Variants in SGCD observed in about 807,000 individuals in gnomAD.
The protein encoded by SGCD is delta-sarcoglycan.
In SGCD, 18 loss-of-function variants were observed where a neutral mutation model predicts 36.6. That is an observed-to-expected ratio of 0.49 (90% CI 0.34 to 0.73). The LOEUF is 0.73. Among genes scored for constraint, SGCD ranks in the 30% least tolerant of loss-of-function variants. The probability of loss-of-function intolerance (pLI) is 0.01; values close to 1 mark genes in which losing one functional copy is unlikely to be tolerated. For synonymous variants in SGCD, 133 were observed against 130.6 expected (o/e 1.02, Z -0.12); for missense variants, 387 against 346.7 (o/e 1.12, Z -0.92).
chr5:156,268,049 C>T (rs943592857), intron 3 of SGCD, among the ~76,000 whole-genome samples: 1 of 152,180 alleles, frequency 6.6e-6, no homozygotes, highest in African/African-American at 2.4e-5. Context: ...CATGTGTTCT[C>T]ATTATTTAGC....
At chr5:155,805,410 G>T in the SGCD span, among the ~76,000 whole-genome samples, 3 of 152,250 alleles carry the variant, frequency 2.0e-5, no homozygotes, top group African/African-American at 7.2e-5. Flanking sequence ...TGCCTAGGCA[G>T]AGAGGCAGCA....
At chr5:156,418,199 G>A (rs909899504) in intron 3 of SGCD, among the ~76,000 whole-genome samples, 2 of 152,150 alleles carry the variant, frequency 1.3e-5, no homozygotes, top group Non-Finnish European at 2.9e-5. Flanking sequence ...GCCCAAACTG[G>A]TCATGGATGT....
chr5:156,301,617 A>G (rs565487091), intron 3 of SGCD, among the ~76,000 whole-genome samples: 6 of 152,062 alleles, frequency 3.9e-5, no homozygotes, highest in African/African-American at 1.4e-4. Context: ...GTACTGTCAC[A>G]TGATTTCTTA....
At chr5:155,806,158 T>A in the SGCD span, among the ~76,000 whole-genome samples, 1 of 145,390 alleles carries the variant, frequency 6.9e-6, no homozygotes, top group Non-Finnish European at 1.5e-5. Context: ...TTTTCTTTTC[T>A]TTTTTGGGGG....
At chr5:156,728,393 C>A (rs941204805) in intron 7 of SGCD, among the ~76,000 whole-genome samples, 9 of 151,360 alleles carry the variant, frequency 5.9e-5, no homozygotes, top group African/African-American at 2.2e-4. Context: ...TGCCTGTAAT[C>A]CCAGCTACCT....
At chr5:156,478,452 A>G (rs1012192725) in intron 3 of SGCD, among the ~76,000 whole-genome samples, 2 of 152,194 alleles carry the variant, frequency 1.3e-5, no homozygotes, top group African/African-American at 4.8e-5. Flanking sequence ...TTGAGCTTTC[A>G]GTCCTGAAAG....
chr5:155,811,384 C>T, the SGCD span, among the ~76,000 whole-genome samples: 1 of 152,208 alleles, frequency 6.6e-6, no homozygotes, highest in Admixed American at 6.5e-5. Context: ...GTAGAATAAA[C>T]CTGGATTCTT....
At chr5:156,699,131 G>A (rs1431487524) in intron 7 of SGCD, among the ~76,000 whole-genome samples, 1 of 152,158 alleles carries the variant, frequency 6.6e-6, no homozygotes, top group Admixed American at 6.5e-5. Flanking sequence ...TAGTGAAAGA[G>A]AGTTAAGGAT....
intron 7 of SGCD, among the ~76,000 whole-genome samples, chr5:156,748,694 G>C (rs1341816384): frequency 6.6e-6 from 1 of 152,098 alleles, no homozygotes; most frequent in Non-Finnish European, 1.5e-5. Flanking sequence ...TAAATAACTT[G>C]AGTTAATAAG....
At chr5:155,930,822 C>G (rs1442021847) in intron 1 of SGCD, among the ~76,000 whole-genome samples, 1 of 152,174 alleles carries the variant, frequency 6.6e-6, no homozygotes, top group Non-Finnish European at 1.5e-5. Context: ...CCACTAAAAA[C>G]TTAAGATTAA....
chr5:156,458,671 A>G (rs2127814591), intron 3 of SGCD, among the ~76,000 whole-genome samples: 1 of 152,340 alleles, frequency 6.6e-6, no homozygotes, highest in African/African-American at 2.4e-5. Flanking sequence ...GAGATAGTCT[A>G]TGTTAAGGAT....
chr5:156,676,738 G>A (rs1284542014), intron 7 of SGCD, among the ~76,000 whole-genome samples: 3 of 152,206 alleles, frequency 2.0e-5, no homozygotes, highest in Non-Finnish European at 4.4e-5. Context: ...GACATCTGAT[G>A]CCAAAATCTG....
At chr5:156,583,348 T>C (rs1194489768) in intron 4 of SGCD, among the ~76,000 whole-genome samples, 2 of 152,188 alleles carry the variant, frequency 1.3e-5, no homozygotes, top group African/African-American at 2.4e-5. Flanking sequence ...GCCTCTCCAA[T>C]TGCCAAGCAA....
At chr5:156,639,519 G>A (rs1387057906) in intron 6 of SGCD, among the ~76,000 whole-genome samples, 1 of 152,126 alleles carries the variant, frequency 6.6e-6, no homozygotes, top group Non-Finnish European at 1.5e-5. Context: ...CTAGGCCTTC[G>A]GTATCTGGTA....
intron 3 of SGCD, among the ~76,000 whole-genome samples, chr5:156,262,587 A>G (rs1217574658): frequency 6.6e-6 from 1 of 151,980 alleles, no homozygotes; most frequent in East Asian, 1.9e-4. Flanking sequence ...GTTTGGTTAC[A>G]TGAGTAAGTT....
the SGCD span, among the ~76,000 whole-genome samples, chr5:155,829,042 A>G: frequency 1.3e-5 from 2 of 151,964 alleles, no homozygotes; most frequent in South Asian, 2.1e-4. Flanking sequence ...CCTAATGGAG[A>G]GCTAGATGAC....
intron 3 of SGCD, among the ~76,000 whole-genome samples, chr5:156,491,878 G>C (rs1366876774): frequency 6.6e-6 from 1 of 152,000 alleles, no homozygotes; most frequent in Non-Finnish European, 1.5e-5. Context: ...ATATAGCCAC[G>C]TTTTCATCTT....
In SGCD at chr5:156,708,279, TAAA is replaced by T. The variant is rs35320814; in HGVS notation, c.576-49288_576-49286del. Among the ~76,000 whole-genome samples the T allele has an allele frequency of 9.4e-3, 1,404 of 149,098 alleles. 30 individuals are homozygous for T. The highest frequency in any genetic ancestry group is 0.03 in the African/African-American group (1,222 of 40,654). On this transcript the variant is annotated intron_variant, in intron 7 of 8. Transcript: ENST00000337851. ...TTTAGTTTTAAGAAAAGCATTCTAT[TAAA>T]AAAAAAAAAAAAAGGAAATGAAAAT...
chr5:156,253,245 C>T (rs1157925897), intron 3 of SGCD, among the ~76,000 whole-genome samples: 1 of 152,102 alleles, frequency 6.6e-6, no homozygotes, highest in East Asian at 1.9e-4. Context: ...GGATCTTCTC[C>T]TGACTTTTCT....
Sources: allele counts gnomAD v4.1 joint callset (sites outside exome capture counted in the v4.1 genomes callset), GRCh38; gene constraint gnomAD v4.1.1; transcripts MANE v1.5; gene names NCBI Gene and HGNC (gene_info 2026-07-23, HGNC 2026-07-21).